The following MRTFA variants were observed in gnomAD, a reference collection of about 807,000 sequenced individuals.
The protein encoded by MRTFA is myocardin related transcription factor A.
A neutral mutation model predicts 83.5 loss-of-function variants in MRTFA; 20 were observed. The observed-to-expected ratio is 0.24, with a 90% CI of 0.17 to 0.35. MRTFA has a LOEUF of 0.35. Ranked by LOEUF, MRTFA falls within the 10% of genes least tolerant of loss-of-function variation. The pLI is 1.00. For synonymous variants in MRTFA, 659 were observed against 541.2 expected, an observed-to-expected ratio of 1.22 and a Z score of -3.02; for missense variants, 1,200 against 1,224.7, an observed-to-expected ratio of 0.98 and a Z score of 0.30.
intron 4 of MRTFA, among the ~76,000 whole-genome samples, chr22:40,439,269 G>A (rs781243041): frequency 4.6e-5 from 7 of 152,122 alleles, no homozygotes; most frequent in Non-Finnish European, 1.0e-4. Context: ...TTGGGAGGCT[G>A]AGGCAGGTCT....
At chr22:40,431,067 A>G (rs1362372794) in intron 6 of MRTFA, among the ~76,000 whole-genome samples, 1 of 152,228 alleles carries the variant, frequency 6.6e-6, no homozygotes, top group Non-Finnish European at 1.5e-5. Context: ...TAGATCAGGC[A>G]TGGTGGCTTG....
At chr22:40,625,607 A>G (rs981560071) in intron 1 of MRTFA, among the ~76,000 whole-genome samples, 2 of 151,986 alleles carry the variant, frequency 1.3e-5, no homozygotes, top group Non-Finnish European at 2.9e-5. Flanking sequence ...GTGAAACCCT[A>G]TCTCTACTAA....
chr22:40,461,204 CAAAAAAAAAAAAAA>C (rs55733153), intron 4 of MRTFA, among the ~76,000 whole-genome samples: 1 of 50,298 alleles, frequency 2.0e-5, no homozygotes, highest in Non-Finnish European at 3.6e-5. Flanking sequence ...GAACTTGTCT[CAAAAAAAAAAAAAA>C]AAAAAAAAAA....
chr22:40,572,353 T>C (rs1602446737), intron 2 of MRTFA, among the ~76,000 whole-genome samples: 3 of 152,162 alleles, frequency 2.0e-5, no homozygotes, highest in African/African-American at 7.2e-5. Context: ...TGCACATCTA[T>C]AGTCCCAGGT....
chr22:40,468,293 G>A (rs1256602073), intron 3 of MRTFA, among the ~76,000 whole-genome samples: 2 of 152,176 alleles, frequency 1.3e-5, no homozygotes, highest in Non-Finnish European at 2.9e-5. Context: ...ATTTGTCCTG[G>A]ATTTCACTGG....
chr22:40,546,695 A>G (rs1362057348), intron 3 of MRTFA, among the ~76,000 whole-genome samples: 1 of 152,192 alleles, frequency 6.6e-6, no homozygotes, highest in African/African-American at 2.4e-5. Flanking sequence ...AGTTGCTGGG[A>G]AAGATTTCAG....
At chr22:40,469,091 A>G (rs765738582) in intron 3 of MRTFA, among the ~76,000 whole-genome samples, 79 of 152,360 alleles carry the variant, frequency 5.2e-4, no homozygotes, top group Non-Finnish European at 9.7e-4. Context: ...AATAAGGAGT[A>G]TTTGAGTTTA....
At chr22:40,561,065 T>C (rs1416601887) in intron 2 of MRTFA, among the ~76,000 whole-genome samples, 3 of 152,180 alleles carry the variant, frequency 2.0e-5, no homozygotes, top group African/African-American at 7.2e-5. Context: ...AACTTTCTTT[T>C]AGCTGGACAT....
intron 3 of MRTFA, among the ~76,000 whole-genome samples, chr22:40,465,734 A>AT (rs112177128): frequency 0.088 from 12,952 of 146,872 alleles, 783 homozygotes; most frequent in East Asian, 0.25. Context: ...TAATTTTTTA[A>AT]TTTTTTTTTT....
chr22:40,622,087 G>C (rs1236795628), intron 1 of MRTFA, among the ~76,000 whole-genome samples: 2 of 152,162 alleles, frequency 1.3e-5, no homozygotes, highest in African/African-American at 4.8e-5. Flanking sequence ...ATGATAGGCT[G>C]AAAAATGGCC....
At chr22:40,459,830 C>CATATATATATAT (rs55885079) in intron 4 of MRTFA, among the ~76,000 whole-genome samples, 2,063 of 86,634 alleles carry the variant, frequency 0.024, 72 homozygotes, top group Non-Finnish European at 0.031. Context: ...CACATATATA[C>CATATATATATAT]ATATATATAT....
intron 3 of MRTFA, among the ~76,000 whole-genome samples, chr22:40,517,560 A>G (rs2054782009): frequency 6.6e-6 from 1 of 152,168 alleles, no homozygotes. Context: ...TGTTGCAAAG[A>G]ATAAGAGTTA....
chr22:40,544,401 ATTT>A (rs1237974618), intron 3 of MRTFA, among the ~76,000 whole-genome samples: 2 of 151,978 alleles, frequency 1.3e-5, no homozygotes, highest in African/African-American at 4.8e-5. Flanking sequence ...TGCCCAGCTC[ATTT>A]TTTTGAGAGA....
intron 3 of MRTFA, among the ~76,000 whole-genome samples, chr22:40,543,636 A>T (rs2055322946): frequency 6.6e-6 from 1 of 152,236 alleles, no homozygotes; most frequent in Non-Finnish European, 1.5e-5. Flanking sequence ...ATCTCATTAA[A>T]ACACACAAAG....
chr22:40,558,741 G>T (rs1432716193), intron 2 of MRTFA, among the ~76,000 whole-genome samples: 1 of 151,036 alleles, frequency 6.6e-6, no homozygotes, highest in Non-Finnish European at 1.5e-5. Flanking sequence ...TAAGCATAAA[G>T]AGAAAATAAA....
chr22:40,503,545 C>T (rs1020208509), intron 3 of MRTFA, among the ~76,000 whole-genome samples: 3 of 152,156 alleles, frequency 2.0e-5, no homozygotes, highest in Non-Finnish European at 4.4e-5. Context: ...TGTCCTTTAT[C>T]ACATATACTT....
intron 3 of MRTFA, among the ~76,000 whole-genome samples, chr22:40,488,520 C>CT (rs1022953403): frequency 2.8e-4 from 42 of 151,158 alleles, no homozygotes; most frequent in African/African-American, 8.3e-4. Flanking sequence ...CCATCTCTCT[C>CT]TTTTTTTTTA....
chr22:40,494,576 G>T (rs2054319588), intron 3 of MRTFA, among the ~76,000 whole-genome samples: 1 of 151,904 alleles, frequency 6.6e-6, no homozygotes, highest in African/African-American at 2.4e-5. Flanking sequence ...AGCTACTCAG[G>T]AGGCTAAGGT....
intron 14 of MRTFA, among the ~76,000 whole-genome samples, chr22:40,414,079 G>A (rs1024517790): frequency 2.6e-5 from 4 of 152,130 alleles, no homozygotes; most frequent in Non-Finnish European, 2.9e-5. Flanking sequence ...TGGCTCATGC[G>A]TGTAATCCTA....
Sources: allele counts gnomAD v4.1 joint callset (sites outside exome capture counted in the v4.1 genomes callset), GRCh38; gene constraint gnomAD v4.1.1; transcripts MANE v1.5; gene names NCBI Gene and HGNC (gene_info 2026-07-23, HGNC 2026-07-21).